ZFHX4: variants seen among roughly 807,000 people sequenced by gnomAD.
The protein encoded by ZFHX4 is zinc finger homeobox 4.
Under a neutral mutation model 267.6 loss-of-function variants are expected in ZFHX4, and 56 were observed. The ratio of observed to expected loss-of-function variants is 0.21; its 90% CI spans 0.17 to 0.26. The LOEUF (loss-of-function observed/expected upper bound fraction) is 0.26. ZFHX4 is among the 10% of genes least tolerant of loss of function. ZFHX4 has a pLI of 1.00. For synonymous variants in ZFHX4, 1,778 were observed against 1,665.6 expected (o/e 1.07, Z -1.64); for missense variants, 4,332 against 4,420.0 (o/e 0.98, Z 0.56).
chr8:76,861,137 T>C (rs1407602190), intron 10 of ZFHX4, among the ~76,000 whole-genome samples: 1 of 152,172 alleles, frequency 6.6e-6, no homozygotes, highest in Non-Finnish European at 1.5e-5. Context: ...GCCATCTTTA[T>C]TTAAATTTAT....
At position 76,866,284 on chromosome 8, in the gene ZFHX4, T is replaced by A. The variant is rs1232398538; in HGVS notation, c.*1719T>A. The A allele has an allele frequency of 6.6e-6, 1 of 152,624 alleles. No homozygotes were observed. Among genetic ancestry groups the A allele is most frequent in the East Asian group, 1.9e-4 (1 of 5,200 alleles). The allele number at this position is 152,624 out of a possible 1,614,324, so 9.5% of individuals were successfully genotyped here. On this transcript the variant is annotated 3_prime_UTR_variant, in exon 11 of 11. Coordinates refer to ENST00000651372, the MANE Select transcript of ZFHX4 (RefSeq NM_024721.5). ...TCTCTTCCGAGATGAACAAGTAGCA[T>A]GTAATGCAACTGTTTGACAGTTTAA...
rs1180637782 is a variant in ZFHX4 at position 76,864,788 on chromosome 8, T to C, written c.*223T>C. The stretch of plus-strand genomic sequence containing the variant: ...AATGCGCTTGTACTATATGCTAAAA[T>C]ATGGAAAAGGAAAAAAAAATCTCAC... On this transcript the variant is annotated 3_prime_UTR_variant, in exon 11 of 11. Coordinates refer to ENST00000651372, the MANE Select transcript of ZFHX4 (RefSeq NM_024721.5). 3.1e-6 allele frequency: 1 copy of C among 326,608 alleles called. No individual in the cohort carries two copies. Among genetic ancestry groups the C allele is most frequent in the East Asian group, 4.9e-5 (1 of 20,536 alleles). The allele number at this position is 326,608 out of a possible 1,614,324, so 20.2% of individuals were successfully genotyped here.
At chr8:76,782,558 C>A (rs1466339911) in intron 4 of ZFHX4, among the ~76,000 whole-genome samples, 1 of 151,714 alleles carries the variant, frequency 6.6e-6, no homozygotes, top group Non-Finnish European at 1.5e-5. Context: ...TCTTTCTGTA[C>A]CTTCTTAAAC....
chr8:76,700,356 G>A lies in ZFHX4; in HGVS notation c.-46-3687G>A, dbSNP rs565107141. 1.7e-3 allele frequency among the ~76,000 whole-genome samples: 266 copies of A among 152,096 alleles called. 2 individuals carry two copies. The highest frequency in any genetic ancestry group is 3.1e-3 in the Non-Finnish European group (213 of 67,976). Reference sequence around the variant, plus strand: ...TATTCTTTCCTCTTGATCAGATCACGTTCTTTTTAATCATTTCACAAACAC... The same window carrying A: ...TATTCTTTCCTCTTGATCAGATCACATTCTTTTTAATCATTTCACAAACAC... On this transcript the variant is annotated intron_variant, in intron 1 of 10. Coordinates refer to ENST00000651372, the MANE Select transcript of ZFHX4 (RefSeq NM_024721.5).
intron 3 of ZFHX4, chr8:76,708,359 A>ATTT (rs561971571): frequency 8.0e-4 from 179 of 224,896 alleles, no homozygotes; most frequent in African/African-American, 2.5e-3. Context: ...AAACCTATTG[A>ATTT]TTTTTTTTTT....
Position 76,855,775 on chromosome 8 carries a change from C to T in ZFHX4, c.8854C>T (p.Arg2952Ter). ...KVLKACFSDY[R>*]TPTMQECEML... ...TCTCAAGGCTTGCTTTAGTGACTAC[C>T]GAACTCCAACCATGCAAGAATGTGA... Residue 2952 changes from arginine (R) to a stop codon, truncating the protein, a stop_gained, in exon 10 of 11, where the codon CGA (arginine) becomes TGA (stop). Coordinates refer to ENST00000651372, the MANE Select transcript of ZFHX4 (RefSeq NM_024721.5). LOFTEE classifies it high-confidence loss of function. The T allele has an allele frequency of 6.2e-7, 1 of 1,613,884 alleles. No homozygotes were observed.
intron 4 of ZFHX4, among the ~76,000 whole-genome samples, chr8:76,781,461 AATC>A (rs2131780214): frequency 1.3e-5 from 2 of 152,244 alleles, no homozygotes; most frequent in Non-Finnish European, 2.9e-5. Context: ...CAAAACAACC[AATC>A]ATCAACTTGG....
At position 76,864,083 on chromosome 8, in the gene ZFHX4, A is replaced by T; in HGVS notation, c.10369A>T (p.Ser3457Cys). The change falls in exon 11 of 11, where the codon AGT (serine) becomes TGT (cysteine). Residue 3457 changes from serine (S) to cysteine (C), a missense_variant. Ser to Cys is a moderately radical substitution (Grantham distance 112). Around this residue, in one of 7 missense-constraint regions of ZFHX4, gnomAD observed 1,648 missense variants for 1,625.0 expected, o/e 1.01. Transcript: ENST00000651372. ...YQCLACDVAI[S>C]GNEALSQHLQ... ...GTGTCTTGCCTGTGATGTGGCTATC[A>T]GTGGGAATGAAGCACTTAGCCAACA... is the stretch of plus-strand genomic sequence containing the variant. 1 of 1,613,840 alleles carries T rather than the reference A, an allele frequency of 6.2e-7. No individual in the cohort carries two copies. The highest frequency in any genetic ancestry group is 8.5e-7 in the Non-Finnish European group (1 of 1,179,856).
Position 76,855,702 on chromosome 8 carries a change from G to C in ZFHX4, c.8781G>C (p.Pro2927=). ...TTAAATCCAAAAGTAATGATCGGCC[G>C]GGTCACAAGCGTTTTCGAACGCAAA... is the stretch of plus-strand genomic sequence containing the variant. ...NPFKSKSNDR[P]GHKRFRTQMS... is the part of the protein sequence containing the mutation. The change falls in exon 10 of 11, where the codon CCG becomes CCC. Residue 2927 remains proline (P), a synonymous_variant. Coordinates refer to ENST00000651372, the MANE Select transcript of ZFHX4 (RefSeq NM_024721.5). The C allele has an allele frequency of 6.2e-7, 1 of 1,613,842 alleles. No homozygotes were observed. Among genetic ancestry groups the C allele is most frequent in the South Asian group, 1.1e-5 (1 of 91,076 alleles).
chr8:76,851,843 A>G lies in ZFHX4; in HGVS notation c.4922A>G (p.Asn1641Ser), dbSNP rs376523360. ...HVAGGHSIAA[N>S]VNSPGQGMLD... ...GCTGGTGGGCACAGCATTGCAGCAA[A>G]TGTCAACAGCCCTGGCCAGGGGATG... The change falls in exon 10 of 11, where the codon AAT becomes AGT. Residue 1641 changes from asparagine to serine, a missense_variant. Transcript: ENST00000651372. 6.2e-7 allele frequency: 1 copy of G among 1,613,968 alleles called. No individual in the cohort carries two copies. Among genetic ancestry groups the G allele is most frequent in the Non-Finnish European group, 8.5e-7 (1 of 1,179,854 alleles).
At chr8:76,805,246 G>A (rs990551916) in intron 4 of ZFHX4, among the ~76,000 whole-genome samples, 5 of 151,948 alleles carry the variant, frequency 3.3e-5, no homozygotes, top group South Asian at 2.1e-4. Flanking sequence ...GGCATATGGC[G>A]CATAACCAAA....
In ZFHX4 at chr8:76,685,528, G is replaced by A. The variant is rs112108296; in HGVS notation, c.-47+3908G>A. On this transcript the variant is annotated intron_variant, in intron 1 of 10. Transcript: ENST00000651372. ...GCCCGTGTTCGATTAAGAACTAAAA[G>A]ATATTGAAAATATAATATATACGTT... is the stretch of plus-strand genomic sequence containing the variant. Among the ~76,000 whole-genome samples the A allele has an allele frequency of 6.9e-3, 1,045 of 152,204 alleles. 10 individuals carry two copies. The highest frequency in any genetic ancestry group is 0.024 in the African/African-American group (1,006 of 41,518).
chr8:76,751,212 C>T (rs1375014087), intron 3 of ZFHX4, among the ~76,000 whole-genome samples: 5 of 152,086 alleles, frequency 3.3e-5, no homozygotes. Flanking sequence ...CTGTTCATTG[C>T]CTCTTGCTGA....
intron 4 of ZFHX4, among the ~76,000 whole-genome samples, chr8:76,818,986 C>T (rs1158992694): frequency 4.6e-5 from 7 of 151,968 alleles, no homozygotes; most frequent in Admixed American, 4.6e-4. Context: ...AGCCAAGGGT[C>T]CCACTAAAGG....
intron 4 of ZFHX4, chr8:76,782,261 T>C (rs1301489215): frequency 7.3e-6 from 3 of 409,704 alleles, no homozygotes; most frequent in South Asian, 5.4e-5. Context: ...ATTTATGAGG[T>C]TTAGTTTTCT....
rs1271631982 is a variant in ZFHX4, at chr8:76,863,955, A to T, written c.10241A>T (p.Asp3414Val). The change falls in exon 11 of 11, where the codon GAT becomes GTT. Residue 3414 changes from aspartate (D) to valine (V), a missense_variant. Asp to Val is a radical substitution (Grantham distance 152, BLOSUM62 -3). Around this residue, in one of 7 missense-constraint regions of ZFHX4, gnomAD observed 1,648 missense variants for 1,625.0 expected, o/e 1.01. Coordinates refer to ENST00000651372, the MANE Select transcript of ZFHX4 (RefSeq NM_024721.5). ...AGAAAGTGCCAGATGATGTTTACTG[A>T]TGAAGACGCCGCAGTAAATCATCAA... ...ICRKCQMMFT[D>V]EDAAVNHQKS... 10 of 1,609,478 alleles carry T rather than the reference A, an allele frequency of 6.2e-6. No homozygotes were observed. Among genetic ancestry groups the T allele is most frequent in the South Asian group, 2.2e-5 (2 of 90,272 alleles).
intron 5 of ZFHX4, among the ~76,000 whole-genome samples, chr8:76,836,887 T>C (rs954832094): frequency 2.6e-5 from 4 of 152,082 alleles, no homozygotes; most frequent in African/African-American, 7.2e-5. Context: ...ACATTAAGTA[T>C]CTTGGAAGTA....
intron 3 of ZFHX4, among the ~76,000 whole-genome samples, chr8:76,753,990 T>C (rs926308198): frequency 6.6e-6 from 1 of 152,162 alleles, no homozygotes; most frequent in Non-Finnish European, 1.5e-5. Flanking sequence ...GGAATCATAC[T>C]GACAGGGTTT....
At chr8:76,745,121 C>T (rs1291715647) in intron 3 of ZFHX4, among the ~76,000 whole-genome samples, 2 of 152,132 alleles carry the variant, frequency 1.3e-5, no homozygotes, top group African/African-American at 4.8e-5. Flanking sequence ...ATACTTTCAT[C>T]CTATAAAACC....
Sources: gnomAD v4.1 joint callset for allele counts (sites outside exome capture counted in the v4.1 genomes callset) on GRCh38, gnomAD v4.1.1 for gene constraint, gnomAD v4.1.1 regional missense constraint, MANE v1.5 for transcripts, NCBI Gene and HGNC (gene_info 2026-07-23, HGNC 2026-07-21) for gene names.